SMS: variants seen among roughly 807,000 people sequenced by gnomAD.
SMS encodes the protein spermine synthase.
In SMS, 3 loss-of-function variants were observed where a neutral mutation model predicts 33.0. The observed-to-expected ratio is 0.09, with a 90% CI of 0.04 to 0.23. The LOEUF (loss-of-function observed/expected upper bound fraction) is 0.23. Ranked by LOEUF, SMS falls within the 10% of genes least tolerant of loss-of-function variation. The pLI is 1.00. For missense variants in SMS, 117 were observed against 288.6 expected (o/e 0.41, Z 4.31); for synonymous variants, 103 against 112.2 (o/e 0.92, Z 0.52).
intron 1 of SMS, among the ~76,000 whole-genome samples, chrX:21,948,687 A>G (rs1168847394): frequency 9.0e-6 from 1 of 111,516 alleles, no homozygotes; most frequent in Non-Finnish European, 1.9e-5. Flanking sequence ...TATAATTGCG[A>G]TCACCATGGT....
intron 1 of SMS, among the ~76,000 whole-genome samples, chrX:21,947,012 A>G (rs762827785): frequency 5.4e-5 from 6 of 111,130 alleles, no homozygotes; most frequent in Non-Finnish European, 1.1e-4. Context: ...TCCCTCCCTG[A>G]TTTCCTGAAC....
chrX:21,967,566 T>G (rs778525327), intron 2 of SMS, among the ~76,000 whole-genome samples: 9 of 111,697 alleles, frequency 8.1e-5, no homozygotes, highest in Non-Finnish European at 1.5e-4. Context: ...CCAGACAAGT[T>G]TTTTGTTAAG....
At chrX:21,961,791 T>TG (rs1923374632) in intron 1 of SMS, among the ~76,000 whole-genome samples, 1 of 112,068 alleles carries the variant, frequency 8.9e-6, no homozygotes, top group African/African-American at 3.2e-5. Context: ...TCACTGTGTT[T>TG]CTGAGCGCTT....
intron 1 of SMS, among the ~76,000 whole-genome samples, chrX:21,949,834 C>T (rs1199191797): frequency 1.8e-5 from 2 of 110,627 alleles, no homozygotes; most frequent in African/African-American, 3.3e-5. Context: ...ATCCCTAATC[C>T]GAAATGCTCC....
At chrX:21,954,703 A>G in intron 1 of SMS, among the ~76,000 whole-genome samples, 1 of 111,874 alleles carries the variant, frequency 8.9e-6, no homozygotes, top group Admixed American at 9.4e-5. Context: ...CGACATGTGT[A>G]TCAAGTACGG....
chrX:21,943,768 CAG>C (rs1921992668), intron 1 of SMS, among the ~76,000 whole-genome samples: 1 of 111,399 alleles, frequency 9.0e-6, no homozygotes, highest in Non-Finnish European at 1.9e-5. Context: ...ATCGTCCTGT[CAG>C]TATCCACATT....
chrX:21,980,429 A>AAAAATATAAATATAT (rs1260210326), intron 7 of SMS, among the ~76,000 whole-genome samples: 1 of 63,039 alleles, frequency 1.6e-5, no homozygotes, highest in Non-Finnish European at 3.1e-5. Flanking sequence ...AAAAAAAAAA[A>AAAAATATAAATATAT]ATATATATAT....
intron 5 of SMS, 105 bp downstream of exon 5, chrX:21,977,341 T>A (rs1416320971): frequency 1.4e-6 from 1 of 738,197 alleles, no homozygotes; most frequent in Non-Finnish European, 2.1e-6. Flanking sequence ...TGAGTTTGTT[T>A]TTGACACTGC....
intron 7 of SMS, among the ~76,000 whole-genome samples, chrX:21,981,181 C>CG (rs1031316515): frequency 6.3e-5 from 7 of 110,298 alleles, no homozygotes; most frequent in African/African-American, 2.3e-4. Flanking sequence ...ATTAGCCCGA[C>CG]GTGGTGGTGG....
intron 9 of SMS, among the ~76,000 whole-genome samples, chrX:21,990,011 G>C (rs1326392430): frequency 2.7e-5 from 3 of 111,968 alleles, no homozygotes; most frequent in African/African-American, 9.8e-5. Context: ...CAAAGTGTTA[G>C]CATTATAGAT....
intron 1 of SMS, among the ~76,000 whole-genome samples, chrX:21,951,023 T>C (rs1482226214): frequency 8.9e-6 from 1 of 112,457 alleles, no homozygotes; most frequent in Non-Finnish European, 1.9e-5. Flanking sequence ...ATCACCACAC[T>C]GTCTTCCACA....
chrX:21,944,522 C>CAAAAAAAAAAAAAAAAAAAAAAAAAAAAA (rs777680386), intron 1 of SMS, among the ~76,000 whole-genome samples: 3 of 34,704 alleles, frequency 8.6e-5, no homozygotes, highest in African/African-American at 1.2e-4. Flanking sequence ...CCTGTCTCTA[C>CAAAAAAAAAAAAAAAAAAAAAAAAAAAAA]AAAAAAAAAA....
At chrX:21,945,949 A>G (rs750347666) in intron 1 of SMS, among the ~76,000 whole-genome samples, 6 of 111,326 alleles carry the variant, frequency 5.4e-5, no homozygotes, top group Non-Finnish European at 9.4e-5. Context: ...AACACATCAA[A>G]TAACAAGATG....
At chrX:21,956,531 G>A (rs188720631) in intron 1 of SMS, among the ~76,000 whole-genome samples, 10 of 109,481 alleles carry the variant, frequency 9.1e-5, no homozygotes, top group Admixed American at 6.8e-4. Context: ...GTGCAGTGGC[G>A]CGATCTCGGC....
chrX:21,992,934 C>G (rs770328958), intron 10 of SMS, among the ~76,000 whole-genome samples: 3 of 112,018 alleles, frequency 2.7e-5, no homozygotes, highest in Non-Finnish European at 5.6e-5. Context: ...TCTGGCTTGC[C>G]ACAGCTTTCC....
intron 1 of SMS, among the ~76,000 whole-genome samples, chrX:21,965,914 C>G (rs1923687555): frequency 9.0e-6 from 1 of 111,351 alleles, no homozygotes; most frequent in Admixed American, 9.5e-5. Flanking sequence ...CGAGATTGCG[C>G]CAATGCACTT....
intron 1 of SMS, among the ~76,000 whole-genome samples, chrX:21,956,228 A>G (rs1922961438): frequency 9.0e-6 from 1 of 111,679 alleles, no homozygotes; most frequent in Non-Finnish European, 1.9e-5. Context: ...TTCTGTAGTT[A>G]ATTTTTCTTG....
At chrX:21,940,928 C>A (rs902418244) in intron 1 of SMS, 55 bp downstream of exon 1, 167 of 833,128 alleles carry the variant, frequency 2.0e-4, no homozygotes, top group Non-Finnish European at 2.5e-4. Flanking sequence ...CGCCGCCTGG[C>A]GGGCTGGGGC....
At chrX:21,975,026 G>A (rs1400803527) in intron 4 of SMS, among the ~76,000 whole-genome samples, 3 of 110,457 alleles carry the variant, frequency 2.7e-5, no homozygotes, top group Non-Finnish European at 3.8e-5. Flanking sequence ...ATTTATTTTT[G>A]TTTTCTACTT....
Sources: gnomAD v4.1 joint callset for allele counts (sites outside exome capture counted in the v4.1 genomes callset) on GRCh38, gnomAD v4.1.1 for gene constraint, MANE v1.5 for transcripts, NCBI Gene and HGNC (gene_info 2026-07-23, HGNC 2026-07-21) for gene names.